The following OTOGL variants were observed in gnomAD, a reference collection of about 807,000 sequenced individuals.
The protein encoded by OTOGL is otogelin like, also known as otogelin-like protein.
Under a neutral mutation model 318.5 loss-of-function variants are expected in OTOGL, and 285 were observed. The ratio of observed to expected loss-of-function variants is 0.89; its 90% CI spans 0.81 to 0.99. The LOEUF is 0.99. OTOGL is among the 50% of genes least tolerant of loss of function. The pLI is 0.00. For missense variants in OTOGL, 2,899 were observed against 2,845.6 expected, an observed-to-expected ratio of 1.02 and a Z score of -0.43; for synonymous variants, 987 against 936.5, an observed-to-expected ratio of 1.05 and a Z score of -0.99.
At chr12:80,325,768 G>A (rs980942166) in intron 35 of OTOGL, among the ~76,000 whole-genome samples, 3 of 152,214 alleles carry the variant, frequency 2.0e-5, no homozygotes, top group Admixed American at 6.5e-5. Context: ...GCAATGCGAA[G>A]GGCATGTGGG....
Position 80,378,215 on chromosome 12 carries a change from T to A in OTOGL, c.*167T>A, listed in dbSNP as rs1891280487. 1 of 537,476 alleles carries A rather than the reference T, an allele frequency of 1.9e-6. No individual in the cohort carries two copies. Among genetic ancestry groups the A allele is most frequent in the African/African-American group, 1.9e-5 (1 of 52,846 alleles). 33.3% of individuals were successfully genotyped at this position (537,476 alleles called of 1,614,324 possible). On this transcript the variant is annotated 3_prime_UTR_variant, in exon 59 of 59. Coordinates refer to ENST00000547103, the MANE Select transcript of OTOGL (RefSeq NM_001378609.3). Reference sequence around the variant, plus strand: ...TTGTACAAAATATATACAGTTTCAATAGCAAAATTAAATTTATTGCTTTAC... The same window carrying A: ...TTGTACAAAATATATACAGTTTCAAAAGCAAAATTAAATTTATTGCTTTAC...
intron 1 of OTOGL, among the ~76,000 whole-genome samples, chr12:80,182,162 T>C (rs1026297284): frequency 1.1e-4 from 17 of 151,976 alleles, no homozygotes; most frequent in African/African-American, 4.1e-4. Flanking sequence ...AAAAGCAATT[T>C]TTAAAAAGGG....
chr12:80,150,717 C>T lies in OTOGL; in HGVS notation c.-20+51112C>T, dbSNP rs114514796. 4.4e-3 allele frequency among the ~76,000 whole-genome samples: 666 copies of T among 152,314 alleles called. 5 individuals carry two copies. Among genetic ancestry groups the T allele is most frequent in the African/African-American group, 0.015 (640 of 41,572 alleles). The stretch of plus-strand genomic sequence containing the variant: ...ATGGATCATGACTGAAGGGCAAGAG[C>T]CCTTTCCCCAGGAAGATGTATCCAC... On this transcript the variant is annotated intron_variant, in intron 1 of 58. Transcript: ENST00000547103.
intron 1 of OTOGL, among the ~76,000 whole-genome samples, chr12:80,140,149 C>G (rs530240707): frequency 6.6e-6 from 1 of 152,148 alleles, no homozygotes; most frequent in African/African-American, 2.4e-5. Context: ...GATGACATTT[C>G]GAGTCTACCT....
At chr12:80,171,142 G>A (rs1874178603) in intron 1 of OTOGL, among the ~76,000 whole-genome samples, 1 of 151,970 alleles carries the variant, frequency 6.6e-6, no homozygotes, top group South Asian at 2.1e-4. Context: ...GGCATGATCA[G>A]AGCTCACTGC....
intron 52 of OTOGL, among the ~76,000 whole-genome samples, chr12:80,363,246 A>G (rs1295880562): frequency 6.6e-6 from 1 of 152,204 alleles, no homozygotes; most frequent in Non-Finnish European, 1.5e-5. Flanking sequence ...ACTTGAAAAA[A>G]CACAATCCTA....
chr12:80,252,531 G>A (rs1881663943), intron 13 of OTOGL, among the ~76,000 whole-genome samples: 1 of 152,028 alleles, frequency 6.6e-6, no homozygotes, highest in Non-Finnish European at 1.5e-5. Context: ...TGAGAGAAAG[G>A]TTTCACATTT....
intron 1 of OTOGL, among the ~76,000 whole-genome samples, chr12:80,182,029 T>C (rs146040319): frequency 8.4e-4 from 128 of 152,124 alleles, no homozygotes; most frequent in African/African-American, 3.0e-3. Context: ...TAGCCAGGTG[T>C]GGTGGCATAG....
intron 22 of OTOGL, among the ~76,000 whole-genome samples, chr12:80,268,768 C>A (rs1592634926): frequency 6.6e-6 from 1 of 152,190 alleles, no homozygotes; most frequent in Admixed American, 6.6e-5. Context: ...ACTGCTTTAG[C>A]AATCAGTGTG....
intron 1 of OTOGL, among the ~76,000 whole-genome samples, chr12:80,106,213 G>T (rs1017826072): frequency 1.3e-5 from 2 of 152,156 alleles, no homozygotes; most frequent in Non-Finnish European, 2.9e-5. Flanking sequence ...AGGAAGATTC[G>T]TCAGCTCTTA....
intron 1 of OTOGL, among the ~76,000 whole-genome samples, chr12:80,130,055 A>G (rs1456102171): frequency 6.6e-6 from 1 of 151,986 alleles, no homozygotes; most frequent in African/African-American, 2.4e-5. Flanking sequence ...CTTCTGAAAT[A>G]TCCTATTACC....
intron 29 of OTOGL, 99 bp downstream of exon 29, chr12:80,305,794 A>C: frequency 1.0e-6 from 1 of 998,412 alleles, no homozygotes; most frequent in Non-Finnish European, 1.3e-6. Context: ...TATTTTACAT[A>C]CTATTTTCAT....
intron 11 of OTOGL, among the ~76,000 whole-genome samples, chr12:80,240,834 T>C (rs532649062): frequency 6.6e-6 from 1 of 152,224 alleles, no homozygotes; most frequent in South Asian, 2.1e-4. Flanking sequence ...CATCATACTA[T>C]GTTCATGAAT....
At chr12:80,256,540 G>T (rs987892679) in intron 17 of OTOGL, 80 bp downstream of exon 17, 5 of 1,440,024 alleles carry the variant, frequency 3.5e-6, no homozygotes, top group Non-Finnish European at 4.6e-6. Flanking sequence ...CAAACAAAAT[G>T]GGATCTTTTC....
Position 80,356,850 on chromosome 12 carries a change from C to T in OTOGL, c.5955C>T (p.Cys1985=), listed in dbSNP as rs757226579. The change falls in exon 49 of 59, where the codon TGC becomes TGT. Residue 1985 remains cysteine, a synonymous_variant. Coordinates refer to ENST00000547103, the MANE Select transcript of OTOGL (RefSeq NM_001378609.3). ...GCCCCAGTATTTCAACACCAGAATG[C>T]AGAGAAGATCAATTCATGATTCAAG... ...LKCPSISTPE[C]REDQFMIQVR... 9 of 1,597,790 alleles carry T rather than the reference C, an allele frequency of 5.6e-6. No individual in the cohort carries two copies. Among genetic ancestry groups the T allele is most frequent in the Admixed American group, 1.7e-5 (1 of 57,694 alleles).
At position 80,371,911 on chromosome 12, in the gene OTOGL, T is replaced by G. The variant is rs1890898755; in HGVS notation, c.6736-108T>G. 5.2e-6 allele frequency: 3 copies of G among 571,910 alleles called. 1 individual carries two copies. Among genetic ancestry groups the G allele is most frequent in the South Asian group, 3.8e-5 (1 of 26,016 alleles). 35.4% of individuals were successfully genotyped at this position (571,910 alleles called of 1,614,324 possible). On this transcript the variant is annotated intron_variant, in intron 56 of 58. Transcript: ENST00000547103. ...TTCCAACTATTTTTCTATGAAGGCTTTGTGGTATTTGATAAAAGTTTTAGA... is the reference window on the plus strand; with the variant it reads ...TTCCAACTATTTTTCTATGAAGGCTGTGTGGTATTTGATAAAAGTTTTAGA...
chr12:80,172,688 G>A (rs1444183734), intron 1 of OTOGL, among the ~76,000 whole-genome samples: 1 of 151,974 alleles, frequency 6.6e-6, no homozygotes, highest in Admixed American at 6.6e-5. Context: ...TATACACCAT[G>A]GAATACTTTG....
intron 8 of OTOGL, among the ~76,000 whole-genome samples, chr12:80,230,647 G>T (rs893575445): frequency 6.6e-6 from 1 of 152,104 alleles, no homozygotes; most frequent in African/African-American, 2.4e-5. Context: ...ATAGAAAAAG[G>T]GTGGTCTTCT....
intron 14 of OTOGL, among the ~76,000 whole-genome samples, 162 bp from the exon 15 acceptor site, chr12:80,254,362 G>T (rs945737031): frequency 7.6e-5 from 6 of 79,442 alleles, no homozygotes; most frequent in East Asian, 1.1e-3. Context: ...ATTATTTATT[G>T]ATTTTATTTA....
Sources: gnomAD v4.1 joint callset for allele counts (sites outside exome capture counted in the v4.1 genomes callset) on GRCh38, gnomAD v4.1.1 for gene constraint, MANE v1.5 for transcripts, NCBI Gene and HGNC (gene_info 2026-07-23, HGNC 2026-07-21) for gene names.